The following TULP4 variants were observed in gnomAD, a reference collection of about 807,000 sequenced individuals.
TULP4 encodes TUB like protein 4, also known as tubby-related protein 4.
Under a neutral mutation model 129.0 loss-of-function variants are expected in TULP4, and 16 were observed. That is an observed-to-expected ratio of 0.12 (90% confidence interval 0.08 to 0.19). The LOEUF (loss-of-function observed/expected upper bound fraction) is 0.19, where lower values mean the gene tolerates loss of function less well. TULP4 is among the 10% of genes least tolerant of loss of function. TULP4 has a pLI of 1.00. For synonymous variants in TULP4, 998 were observed against 854.0 expected (o/e 1.17, Z -2.94); for missense variants, 1,842 against 2,059.1 (o/e 0.89, Z 2.04).
chr6:158,264,223 C>T (rs1025718010), intron 1 of TULP4, among the ~76,000 whole-genome samples: 4 of 152,118 alleles, frequency 2.6e-5, no homozygotes, highest in Non-Finnish European at 4.4e-5. Flanking sequence ...TCAGGAAAAG[C>T]GCAGGAGCCC....
In TULP4 at chr6:158,501,879, A is replaced by T; in HGVS notation, c.2216A>T (p.Asp739Val). 1.9e-6 allele frequency: 3 copies of T among 1,614,126 alleles called. No homozygotes were observed. Among genetic ancestry groups the T allele is most frequent in the South Asian group, 2.2e-5 (2 of 91,076 alleles). ...TAVGTAEHAG[D>V]SATQYPVSNR... ...GTAGGGACAGCAGAACATGCAGGTG[A>T]CAGTGCCACCCAGTACCCAGTCTCC... is the stretch of plus-strand genomic sequence containing the variant. The change falls in exon 13 of 14, where the codon GAC (aspartate) becomes GTC (valine). Residue 739 changes from aspartate to valine, a missense_variant. Asp to Val is a radical substitution (Grantham distance 152). Transcript: ENST00000367097.
intron 3 of TULP4, among the ~76,000 whole-genome samples, chr6:158,446,859 C>T (rs1230189551): frequency 6.6e-6 from 1 of 152,182 alleles, no homozygotes; most frequent in Admixed American, 6.5e-5. Flanking sequence ...GTCTCTCATA[C>T]TCTTCTTATA....
chr6:158,413,219 G>C lies in TULP4; in HGVS notation c.381+26G>C. 1 of 1,599,986 alleles carries C rather than the reference G, an allele frequency of 6.3e-7. No individual in the cohort carries two copies. Among genetic ancestry groups the C allele is most frequent in the Non-Finnish European group, 8.5e-7 (1 of 1,170,122 alleles). On this transcript the variant is annotated intron_variant, in intron 2 of 13. Transcript: ENST00000367097. This position sits in a 1 kb window ranked among gnomAD's most constrained non-coding sequence, Gnocchi z 4.9. The stretch of plus-strand genomic sequence containing the variant: ...GTGAGTGGCAGGCGCAGCTCTGCCA[G>C]TGAAGGGCTGCGGGGTAGAGGACTC...
At chr6:158,266,218 T>G (rs9459852) in intron 1 of TULP4, among the ~76,000 whole-genome samples, 26,272 of 152,228 alleles carry the variant, frequency 0.17, 2,704 homozygotes, top group Middle Eastern at 0.24. Context: ...AAAGTGGTTT[T>G]CATAATTATA....
At chr6:158,237,602 A>C in intron 1 of TULP4, 2 of 1,485,730 alleles carry the variant, frequency 1.3e-6, no homozygotes, top group Non-Finnish European at 1.9e-6. Flanking sequence ...TGGTAGAAAG[A>C]ACATTCTTGC....
At position 158,330,988 on chromosome 6, in the gene TULP4, G is replaced by A. The variant is rs549472348; in HGVS notation, c.252+16720G>A. ...ATAAATGATGTGTCCTTTTCAGGGTGTCACATGTGGAGGTGCACAGTAGCT... is the reference window on the plus strand; with the variant it reads ...ATAAATGATGTGTCCTTTTCAGGGTATCACATGTGGAGGTGCACAGTAGCT... On this transcript the variant is annotated intron_variant, in intron 1 of 13. Coordinates refer to ENST00000367097, the MANE Select transcript of TULP4 (RefSeq NM_020245.5). 2.0e-5 allele frequency among the ~76,000 whole-genome samples: 3 copies of A among 152,244 alleles called. No homozygotes were observed. The East Asian group carries it at 5.8e-4, about 29-fold the overall frequency.
At chr6:158,327,020 G>T (rs1462292509) in intron 1 of TULP4, among the ~76,000 whole-genome samples, 3 of 152,154 alleles carry the variant, frequency 2.0e-5, no homozygotes, top group African/African-American at 7.2e-5. Flanking sequence ...GGGTATACGT[G>T]CACAGTCCTG....
intron 1 of TULP4, chr6:158,282,822 T>C (rs1185129416): frequency 6.6e-6 from 1 of 152,104 alleles, no homozygotes; most frequent in Non-Finnish European, 1.5e-5. Context: ...ATTTTAATTA[T>C]TTCATATACA....
At chr6:158,321,563 A>G (rs1190525706) in intron 1 of TULP4, among the ~76,000 whole-genome samples, 1 of 152,128 alleles carries the variant, frequency 6.6e-6, no homozygotes, top group Non-Finnish European at 1.5e-5. Context: ...GATCAGTTCC[A>G]TGCACTGTTT....
At chr6:158,365,460 T>C (rs901042437) in intron 1 of TULP4, among the ~76,000 whole-genome samples, 4 of 148,524 alleles carry the variant, frequency 2.7e-5, no homozygotes, top group Admixed American at 2.7e-4. Context: ...TTTTTTCTTT[T>C]TTTCTTTTTT....
intron 7 of TULP4, among the ~76,000 whole-genome samples, chr6:158,480,389 C>T (rs1022504389): frequency 6.6e-6 from 1 of 152,250 alleles, no homozygotes; most frequent in African/African-American, 2.4e-5. Flanking sequence ...AAGTAACTTG[C>T]TCCCTAGCTG....
At chr6:158,444,004 G>T (rs546355352) in intron 3 of TULP4, among the ~76,000 whole-genome samples, 1 of 151,916 alleles carries the variant, frequency 6.6e-6, no homozygotes, top group Non-Finnish European at 1.5e-5. Context: ...CGGATCACAA[G>T]GTCAGGAGAT....
intron 1 of TULP4, among the ~76,000 whole-genome samples, chr6:158,338,562 C>G (rs940038393): frequency 3.3e-5 from 5 of 152,210 alleles, no homozygotes; most frequent in Non-Finnish European, 5.9e-5. Context: ...GGCAGTGACC[C>G]TGTATCCTTT....
Position 158,497,893 on chromosome 6 carries a change from G to C in TULP4, c.1871-776G>C, listed in dbSNP as rs568659865. 2.0e-4 allele frequency among the ~76,000 whole-genome samples: 31 copies of C among 152,356 alleles called. 1 individual carries two copies. The South Asian group carries it at 5.8e-3, about 29-fold the overall frequency. ...AGAATAAAGAAGCTTTGTGCTACCT[G>C]TCTCACAGGAGAGACTATTGAACAC... On this transcript the variant is annotated intron_variant, in intron 11 of 13. Transcript: ENST00000367097.
chr6:158,420,872 A>G (rs1245127251), intron 2 of TULP4, among the ~76,000 whole-genome samples: 2 of 152,222 alleles, frequency 1.3e-5, no homozygotes, highest in Non-Finnish European at 2.9e-5. Context: ...GATCTAAATT[A>G]TAATGAAAAC....
At position 158,507,033 on chromosome 6, in the gene TULP4, G is replaced by A. The variant is rs912935865; in HGVS notation, c.*339G>A. 9 of 261,838 alleles carry A rather than the reference G, an allele frequency of 3.4e-5. No individual in the cohort carries two copies. Among genetic ancestry groups the A allele is most frequent in the Non-Finnish European group, 5.9e-5 (8 of 136,350 alleles). The allele number at this position is 261,838 out of a possible 1,614,324, so 16.2% of individuals were successfully genotyped here. On this transcript the variant is annotated 3_prime_UTR_variant, in exon 14 of 14. Coordinates refer to ENST00000367097, the MANE Select transcript of TULP4 (RefSeq NM_020245.5). Reference sequence around the variant, plus strand: ...ATGAAGACAGTCTGCCTTAGAGCCTGCTATTCTTTTAGACATAGGGAGGAT... The same window carrying A: ...ATGAAGACAGTCTGCCTTAGAGCCTACTATTCTTTTAGACATAGGGAGGAT...
chr6:158,340,737 G>C (rs6905145), intron 1 of TULP4, among the ~76,000 whole-genome samples: 1 of 152,174 alleles, frequency 6.6e-6, no homozygotes, highest in Non-Finnish European at 1.5e-5. Context: ...AGAGTCCTTC[G>C]CAGGCCCTCA....
intron 1 of TULP4, among the ~76,000 whole-genome samples, chr6:158,289,635 C>T (rs912472974): frequency 3.9e-5 from 6 of 152,190 alleles, no homozygotes; most frequent in East Asian, 1.9e-4. Context: ...GGCTGGAGTA[C>T]GGTGGTGCAA....
chr6:158,461,788 T>C, intron 6 of TULP4, 59 bp downstream of exon 6: 1 of 1,525,490 alleles, frequency 6.6e-7, no homozygotes, highest in South Asian at 1.3e-5. Flanking sequence ...AATAGGTTAT[T>C]ATAATTATTG....
Sources: allele counts gnomAD v4.1 joint callset (sites outside exome capture counted in the v4.1 genomes callset), GRCh38; gene constraint gnomAD v4.1.1; non-coding constraint Gnocchi (gnomAD v3.1); transcripts MANE v1.5; gene names NCBI Gene and HGNC (gene_info 2026-07-23, HGNC 2026-07-21).